The following AGBL1 variants were observed in gnomAD, a reference collection of about 807,000 sequenced individuals.
AGBL1 encodes the protein AGBL carboxypeptidase 1.
Under a neutral mutation model 118.9 loss-of-function variants are expected in AGBL1, and 130 were observed. That is an observed-to-expected ratio of 1.09 (90% confidence interval 0.95 to 1.26). The LOEUF is 1.26. AGBL1 is among the 50% of genes most tolerant of loss of function. The probability of loss-of-function intolerance (pLI) is 0.00; values close to 1 mark genes in which losing one functional copy is unlikely to be tolerated. For synonymous variants in AGBL1, 555 were observed against 478.9 expected (o/e 1.16, Z -2.08); for missense variants, 1,584 against 1,298.1 (o/e 1.22, Z -3.38).
chr15:86,668,518 GT>G (rs576620092), intron 21 of AGBL1, among the ~76,000 whole-genome samples: 1 of 152,086 alleles, frequency 6.6e-6, no homozygotes, highest in African/African-American at 2.4e-5. Flanking sequence ...ACAAAAAGAC[GT>G]TTTTTTGGTA....
chr15:86,818,711 C>G (rs962700558), intron 22 of AGBL1, among the ~76,000 whole-genome samples: 1 of 152,132 alleles, frequency 6.6e-6, no homozygotes, highest in African/African-American at 2.4e-5. Context: ...GGGGAAAATG[C>G]ATTTCTGGAA....
chr15:86,681,026 A>G (rs1478158982), intron 22 of AGBL1, among the ~76,000 whole-genome samples: 1 of 152,012 alleles, frequency 6.6e-6, no homozygotes, highest in Admixed American at 6.6e-5. Flanking sequence ...TTGAATATGA[A>G]CATTCTATTC....
At chr15:86,527,910 G>A (rs1487027556) in intron 19 of AGBL1, among the ~76,000 whole-genome samples, 1 of 152,004 alleles carries the variant, frequency 6.6e-6, no homozygotes, top group African/African-American at 2.4e-5. Context: ...CCATATATCT[G>A]TCCATCCACT....
chr15:86,861,279 T>C (rs1335381416), intron 22 of AGBL1, among the ~76,000 whole-genome samples: 3 of 152,152 alleles, frequency 2.0e-5, no homozygotes, highest in African/African-American at 7.2e-5. Flanking sequence ...GTGAACTAGA[T>C]ATGATACCTG....
chr15:86,119,338 G>A (rs1313478381), intron 1 of AGBL1, among the ~76,000 whole-genome samples: 4 of 150,588 alleles, frequency 2.7e-5, no homozygotes, highest in African/African-American at 9.8e-5. Flanking sequence ...TTTTGTCTTT[G>A]CTTTTTTTTT....
intron 17 of AGBL1, among the ~76,000 whole-genome samples, chr15:86,384,631 A>C (rs1272835288): frequency 6.6e-6 from 1 of 152,194 alleles, no homozygotes; most frequent in Non-Finnish European, 1.5e-5. Context: ...ATGCAGATGG[A>C]TTGGCTCATC....
intron 17 of AGBL1, among the ~76,000 whole-genome samples, chr15:86,334,816 T>C (rs560910235): frequency 2.0e-5 from 3 of 151,966 alleles, no homozygotes; most frequent in South Asian, 2.1e-4. Context: ...AACAGACACA[T>C]AGACCAATGG....
At chr15:86,867,256 C>T (rs2079646129) in intron 22 of AGBL1, among the ~76,000 whole-genome samples, 1 of 151,990 alleles carries the variant, frequency 6.6e-6, no homozygotes, top group Non-Finnish European at 1.5e-5. Context: ...TTTCTTTACC[C>T]ACGTTGGTCA....
intron 22 of AGBL1, among the ~76,000 whole-genome samples, chr15:86,885,648 G>C (rs1366197025): frequency 2.0e-5 from 3 of 152,084 alleles, no homozygotes; most frequent in Non-Finnish European, 4.4e-5. Flanking sequence ...AAAAATGTAT[G>C]TGAAAAAAGC....
chr15:86,594,458 A>G (rs930823223), intron 21 of AGBL1, among the ~76,000 whole-genome samples: 8 of 152,210 alleles, frequency 5.3e-5, no homozygotes, highest in Admixed American at 2.6e-4. Context: ...TTTATTAAGT[A>G]AACTGAAGAA....
At chr15:86,862,565 C>G (rs1362351679) in intron 22 of AGBL1, among the ~76,000 whole-genome samples, 1 of 151,996 alleles carries the variant, frequency 6.6e-6, no homozygotes, top group Non-Finnish European at 1.5e-5. Flanking sequence ...ACTAATAATA[C>G]AAAAAATTAG....
chr15:86,388,611 T>A (rs1327961781), intron 17 of AGBL1, among the ~76,000 whole-genome samples: 2 of 152,148 alleles, frequency 1.3e-5, no homozygotes, highest in Non-Finnish European at 2.9e-5. Flanking sequence ...AATTCATACT[T>A]TACATGGTAC....
intron 22 of AGBL1, among the ~76,000 whole-genome samples, chr15:86,777,468 T>A (rs1353279099): frequency 2.0e-5 from 3 of 152,068 alleles, no homozygotes; most frequent in African/African-American, 7.2e-5. Flanking sequence ...CATTATTTAA[T>A]TTTCAGTTTC....
rs2082664119 is a variant in AGBL1 at position 86,482,441 on chromosome 15, G to A, written c.2556-40369G>A. 2.0e-5 allele frequency among the ~76,000 whole-genome samples: 3 copies of A among 152,068 alleles called. No homozygotes were observed. The South Asian group carries it at 6.2e-4, about 32-fold the overall frequency. ...GCCATAAATGTCTAATCTTTTAGAAGGATTAACTCTACTTTGGATTAAAAA... is the reference window on the plus strand; with the variant it reads ...GCCATAAATGTCTAATCTTTTAGAAAGATTAACTCTACTTTGGATTAAAAA... On this transcript the variant is annotated intron_variant, in intron 18 of 22. Transcript: ENST00000614907.
rs1596252942 is a variant in AGBL1 at position 86,547,921 on chromosome 15, G to T, written c.2817+1788G>T. Among the ~76,000 whole-genome samples the T allele has an allele frequency of 2.0e-5, 3 of 152,162 alleles. No homozygotes were observed. In the South Asian group the frequency reaches 6.2e-4, roughly 32 times the overall value. ...TGAATATGGTTTGGTCACATCCCTGGCTTTCAACCCAAACAGCTTTGCTTT... is the reference window on the plus strand; with the variant it reads ...TGAATATGGTTTGGTCACATCCCTGTCTTTCAACCCAAACAGCTTTGCTTT... On this transcript the variant is annotated intron_variant, in intron 20 of 22. Transcript: ENST00000614907.
intron 20 of AGBL1, among the ~76,000 whole-genome samples, chr15:86,547,070 A>G (rs941611818): frequency 1.3e-5 from 2 of 152,140 alleles, no homozygotes; most frequent in Non-Finnish European, 2.9e-5. Context: ...GTCCATCAAA[A>G]ATAGACTGCC....
At chr15:86,775,014 A>C (rs28754456) in intron 22 of AGBL1, among the ~76,000 whole-genome samples, 19,678 of 152,230 alleles carry the variant, frequency 0.13, 1,388 homozygotes, top group South Asian at 0.15. Context: ...TTCATATCCC[A>C]AAAAATACAC....
intron 22 of AGBL1, among the ~76,000 whole-genome samples, chr15:86,775,952 C>T (rs999242402): frequency 1.3e-5 from 2 of 152,108 alleles, no homozygotes; most frequent in Non-Finnish European, 2.9e-5. Flanking sequence ...TGATAAATAG[C>T]ATCCTATATA....
chr15:86,607,683 G>T (rs2084597080), intron 21 of AGBL1, among the ~76,000 whole-genome samples: 1 of 152,082 alleles, frequency 6.6e-6, no homozygotes, highest in African/African-American at 2.4e-5. Context: ...ACATCTTTTT[G>T]TAAGCCTTTT....
Sources: allele counts gnomAD v4.1 joint callset (sites outside exome capture counted in the v4.1 genomes callset), GRCh38; gene constraint gnomAD v4.1.1; transcripts MANE v1.5; gene names NCBI Gene and HGNC (gene_info 2026-07-23, HGNC 2026-07-21).